SPOCK1: variants seen among roughly 807,000 people sequenced by gnomAD.
SPOCK1 encodes the protein testican-1.
A neutral mutation model predicts 55.3 loss-of-function variants in SPOCK1; 23 were observed. That is an observed-to-expected ratio of 0.42 (90% CI 0.30 to 0.59). The LOEUF (loss-of-function observed/expected upper bound fraction) is 0.59, where lower values mean the gene tolerates loss of function less well. SPOCK1 is among the 20% of genes least tolerant of loss of function. The probability of loss-of-function intolerance (pLI) is 0.22; values close to 1 mark genes in which losing one functional copy is unlikely to be tolerated. For missense variants in SPOCK1, 499 were observed against 552.5 expected, an observed-to-expected ratio of 0.90 and a Z score of 0.97; for synonymous variants, 226 against 221.0, an observed-to-expected ratio of 1.02 and a Z score of -0.20.
At chr5:137,492,108 C>A (rs1047627099) in intron 2 of SPOCK1, among the ~76,000 whole-genome samples, 1 of 152,190 alleles carries the variant, frequency 6.6e-6, no homozygotes, top group Non-Finnish European at 1.5e-5. Flanking sequence ...AATTACCCTT[C>A]TACCATCCAT....
intron 3 of SPOCK1, among the ~76,000 whole-genome samples, chr5:137,148,029 C>A (rs1754238001): frequency 6.6e-6 from 1 of 152,200 alleles, no homozygotes; most frequent in Admixed American, 6.5e-5. Flanking sequence ...CTTTCCCTTC[C>A]CTACCCTTCC....
At chr5:137,455,393 G>C (rs1005390762) in intron 2 of SPOCK1, among the ~76,000 whole-genome samples, 4 of 152,286 alleles carry the variant, frequency 2.6e-5, no homozygotes, top group Middle Eastern at 3.4e-3. Context: ...GCACCAGGCT[G>C]CCTGAATCAA....
At chr5:137,270,751 C>T (rs1756945693) in intron 2 of SPOCK1, among the ~76,000 whole-genome samples, 1 of 152,116 alleles carries the variant, frequency 6.6e-6, no homozygotes, top group South Asian at 2.1e-4. Context: ...ACCTGTAATC[C>T]CAACACTTTG....
chr5:137,240,404 G>A lies in SPOCK1; in HGVS notation c.232+26606C>T, dbSNP rs142886942. Among the ~76,000 whole-genome samples, 1,063 of 152,272 alleles carry A rather than the reference G, an allele frequency of 7.0e-3. 5 individuals are homozygous for A. Among genetic ancestry groups the A allele is most frequent in the Non-Finnish European group, 0.012 (826 of 68,000 alleles). On this transcript the variant is annotated intron_variant, in intron 3 of 10. Transcript: ENST00000394945. ...ACATGGCAAGAACGGAGCAAGGTGG[G>A]AGGAGATGCCACATATTTTTAAATG...
At chr5:136,997,538 G>A (rs751117463) in intron 6 of SPOCK1, among the ~76,000 whole-genome samples, 1 of 152,152 alleles carries the variant, frequency 6.6e-6, no homozygotes, top group Non-Finnish European at 1.5e-5. Flanking sequence ...ACTCCATAAT[G>A]TGAGCTAAAT....
intron 6 of SPOCK1, among the ~76,000 whole-genome samples, chr5:137,035,839 G>A (rs1580718309): frequency 6.6e-6 from 1 of 152,216 alleles, no homozygotes; most frequent in African/African-American, 2.4e-5. Context: ...AGTGGGGAAA[G>A]GAGAGACCAA....
chr5:137,158,193 C>T (rs1339848729), intron 3 of SPOCK1, among the ~76,000 whole-genome samples: 4 of 152,180 alleles, frequency 2.6e-5, no homozygotes, highest in African/African-American at 9.6e-5. Context: ...GTGATTCCAT[C>T]CCAGTGACTG....
At chr5:137,366,478 C>T (rs1751065941) in intron 2 of SPOCK1, among the ~76,000 whole-genome samples, 1 of 152,102 alleles carries the variant, frequency 6.6e-6, no homozygotes, top group African/African-American at 2.4e-5. Flanking sequence ...CTGTGACCAC[C>T]CCACCAAAAA....
At chr5:137,338,641 T>G (rs1476917530) in intron 2 of SPOCK1, among the ~76,000 whole-genome samples, 1 of 151,692 alleles carries the variant, frequency 6.6e-6, no homozygotes, top group African/African-American at 2.4e-5. Flanking sequence ...ACCAACAGTG[T>G]AAAAGTGTTC....
At chr5:137,270,822 G>C (rs1364226425) in intron 2 of SPOCK1, among the ~76,000 whole-genome samples, 1 of 152,240 alleles carries the variant, frequency 6.6e-6, no homozygotes, top group East Asian at 1.9e-4. Flanking sequence ...GGCCAACATG[G>C]TGAAACCATA....
intron 2 of SPOCK1, among the ~76,000 whole-genome samples, chr5:137,392,659 T>C (rs1751750838): frequency 6.6e-6 from 1 of 152,224 alleles, no homozygotes; most frequent in South Asian, 2.1e-4. Flanking sequence ...ATACGAGTAC[T>C]GTTCTGAGGA....
At chr5:137,299,635 TTGA>T (rs1200421143) in intron 2 of SPOCK1, among the ~76,000 whole-genome samples, 1 of 152,126 alleles carries the variant, frequency 6.6e-6, no homozygotes, top group African/African-American at 2.4e-5. Flanking sequence ...ACCTTCATTT[TTGA>T]TGAATATTTT....
intron 3 of SPOCK1, among the ~76,000 whole-genome samples, chr5:137,232,864 A>G (rs1035009508): frequency 2.0e-5 from 3 of 152,208 alleles, no homozygotes; most frequent in Non-Finnish European, 4.4e-5. Context: ...TTCTATCATC[A>G]GTGTTTTTTA....
In SPOCK1 at chr5:137,079,535, C is replaced by CG. The variant is rs56351896; in HGVS notation, c.475-11707_475-11706insC. Among the ~76,000 whole-genome samples, 182 of 47,106 alleles carry CG rather than the reference C, an allele frequency of 3.9e-3. 4 individuals carry two copies. Among genetic ancestry groups the CG allele is most frequent in the African/African-American group, 9.2e-3 (123 of 13,440 alleles). The allele number at this position is 47,106 out of a possible 152,430, so 30.9% of individuals were successfully genotyped here. Reference sequence around the variant, plus strand: ...TCTCTCCTACCATCCCATCTGATTCCCCCCCCCCCCGACTTAGTGAAATGT... The same window carrying CG: ...TCTCTCCTACCATCCCATCTGATTCCGCCCCCCCCCCGACTTAGTGAAATGT... On this transcript the variant is annotated intron_variant, in intron 5 of 10. Transcript: ENST00000394945.
In SPOCK1 at chr5:137,461,326, T is replaced by A. The variant is rs576151140; in HGVS notation, c.186+37047A>T. 3.9e-5 allele frequency among the ~76,000 whole-genome samples: 6 copies of A among 152,350 alleles called. No individual in the cohort carries two copies. The South Asian group carries it at 1.2e-3, about 32-fold the overall frequency. On this transcript the variant is annotated intron_variant, in intron 2 of 10. Coordinates refer to ENST00000394945, the MANE Select transcript of SPOCK1 (RefSeq NM_004598.4). ...GACTGCAGCTACAGAGTTTCTAGTT[T>A]CTTTTAAACCATCTGCATCCAAGAC...
chr5:137,328,900 T>C (rs1758123364), intron 2 of SPOCK1, among the ~76,000 whole-genome samples: 1 of 152,202 alleles, frequency 6.6e-6, no homozygotes, highest in Non-Finnish European at 1.5e-5. Flanking sequence ...GGAAATGGTA[T>C]ATAAAGTCAG....
chr5:137,423,732 G>A (rs866525026), intron 2 of SPOCK1, among the ~76,000 whole-genome samples: 6 of 152,168 alleles, frequency 3.9e-5, no homozygotes, highest in Admixed American at 6.5e-5. Context: ...TGTACTTCCC[G>A]GGTAAGGCGA....
At position 137,346,637 on chromosome 5, in the gene SPOCK1, A is replaced by G. The variant is rs115590213; in HGVS notation, c.187-79582T>C. ...ATAAACAGGAGGTACATTCAAATTT[A>G]AAAGAAACAAACAGGGAAACATGGT... On this transcript the variant is annotated intron_variant, in intron 2 of 10. Transcript: ENST00000394945. Among the ~76,000 whole-genome samples, 933 of 152,354 alleles carry G rather than the reference A, an allele frequency of 6.1e-3. 5 individuals are homozygous for G. Among genetic ancestry groups the G allele is most frequent in the Non-Finnish European group, 9.4e-3 (638 of 68,020 alleles).
At chr5:137,113,074 G>C (rs112351956) in intron 4 of SPOCK1, among the ~76,000 whole-genome samples, 72 of 152,218 alleles carry the variant, frequency 4.7e-4, no homozygotes, top group African/African-American at 1.5e-3. Context: ...ACTATCTCTG[G>C]ATATATTTTA....
Sources: gnomAD v4.1 joint callset for allele counts (sites outside exome capture counted in the v4.1 genomes callset) on GRCh38, gnomAD v4.1.1 for gene constraint, MANE v1.5 for transcripts, NCBI Gene and HGNC (gene_info 2026-07-23, HGNC 2026-07-21) for gene names.